Variants in OXR1 observed in about 807,000 individuals in gnomAD.
OXR1 encodes the protein oxidation resistance protein 1.
OXR1 carries 41 observed loss-of-function variants against 104.6 expected under a neutral mutation model. The ratio of observed to expected loss-of-function variants is 0.39; its 90% CI spans 0.31 to 0.51. The LOEUF (loss-of-function observed/expected upper bound fraction) is 0.51. Among genes scored for constraint, OXR1 ranks in the 20% least tolerant of loss-of-function variants. The probability of loss-of-function intolerance (pLI) is 0.77; values close to 1 mark genes in which losing one functional copy is unlikely to be tolerated. For synonymous variants in OXR1, 348 were observed against 348.4 expected, an observed-to-expected ratio of 1.00 and a Z score of 0.01; for missense variants, 955 against 1,031.9, an observed-to-expected ratio of 0.93 and a Z score of 1.02.
In OXR1 at chr8:106,397,532, A is replaced by AT. The variant is rs534501999; in HGVS notation, c.23+37902dup. 6.6e-5 allele frequency among the ~76,000 whole-genome samples: 10 copies of AT among 152,094 alleles called. No homozygotes were observed. In the South Asian group the frequency reaches 1.9e-3, roughly 28 times the overall value. On this transcript the variant is annotated intron_variant, in intron 2 of 16. Transcript: ENST00000517566. The stretch of plus-strand genomic sequence containing the variant: ...CTTTATTACTTATAGTCTCCGTGGG[A>AT]TTTTTTAAGAGTTCAGCAGAAGATG...
intron 2 of OXR1, among the ~76,000 whole-genome samples, chr8:106,403,421 C>T (rs1818082699): frequency 6.6e-6 from 1 of 152,176 alleles, no homozygotes; most frequent in African/African-American, 2.4e-5. Flanking sequence ...TTAAGTTTTC[C>T]CAAATCAATG....
intron 2 of OXR1, among the ~76,000 whole-genome samples, chr8:106,457,811 G>A (rs1380933896): frequency 1.3e-5 from 2 of 152,184 alleles, no homozygotes; most frequent in Non-Finnish European, 2.9e-5. Flanking sequence ...AAATGGCAAA[G>A]AAGTTGGCTG....
chr8:106,632,653 A>G (rs1414645392), intron 3 of OXR1, among the ~76,000 whole-genome samples: 1 of 152,218 alleles, frequency 6.6e-6, no homozygotes, highest in Non-Finnish European at 1.5e-5. Context: ...CAAGTTAGAC[A>G]TAATTTTGTA....
intron 1 of OXR1, among the ~76,000 whole-genome samples, chr8:106,339,011 G>A (rs983231683): frequency 5.9e-5 from 9 of 152,118 alleles, no homozygotes; most frequent in African/African-American, 2.2e-4. Context: ...GGACAGAAAT[G>A]TTTTTGCCCC....
chr8:106,452,508 CCAA>C (rs1232164022), intron 2 of OXR1, among the ~76,000 whole-genome samples: 5 of 152,104 alleles, frequency 3.3e-5, no homozygotes, highest in African/African-American at 4.8e-5. Flanking sequence ...AAAATCACCA[CCAA>C]CAACATTCTG....
chr8:106,288,935 A>G (rs1024286170), intron 1 of OXR1, among the ~76,000 whole-genome samples: 2 of 151,936 alleles, frequency 1.3e-5, no homozygotes, highest in African/African-American at 2.4e-5. Context: ...AAACATTGGG[A>G]AAAAAGTGGT....
intron 16 of OXR1, among the ~76,000 whole-genome samples, chr8:106,749,167 C>A (rs1346756382): frequency 2.0e-5 from 3 of 151,644 alleles, no homozygotes; most frequent in Non-Finnish European, 4.4e-5. Context: ...ACAGTGAAAT[C>A]CCATCTCTAC....
chr8:106,668,358 G>T (rs966391396), intron 3 of OXR1, among the ~76,000 whole-genome samples: 2 of 152,086 alleles, frequency 1.3e-5, no homozygotes, highest in Non-Finnish European at 2.9e-5. Context: ...TGCTTTTTAT[G>T]CATGAATTGT....
In OXR1 at chr8:106,298,592, C is replaced by A. The variant is rs144259625; in HGVS notation, c.-139+28225C>A. Reference sequence around the variant, plus strand: ...TGTTTTCTGCAGTATTTTATGAAAGCGAGTGGGATGGAATAGAATGCAGTG... The same window carrying A: ...TGTTTTCTGCAGTATTTTATGAAAGAGAGTGGGATGGAATAGAATGCAGTG... On this transcript the variant is annotated intron_variant, in intron 1 of 16. Transcript: ENST00000517566. Among the ~76,000 whole-genome samples the A allele has an allele frequency of 4.1e-3, 619 of 151,908 alleles. 2 individuals carry two copies. The highest frequency in any genetic ancestry group is 0.013 in the African/African-American group (546 of 41,394).
chr8:106,567,617 T>G (rs930449706), intron 3 of OXR1, among the ~76,000 whole-genome samples: 4 of 152,198 alleles, frequency 2.6e-5, no homozygotes, highest in Admixed American at 2.0e-4. Context: ...TGAGGAACAT[T>G]TGGAAGCTTA....
At position 106,727,966 on chromosome 8, in the gene OXR1, T is replaced by C. The variant is rs79360327; in HGVS notation, c.1957-9554T>C. 7.1e-3 allele frequency among the ~76,000 whole-genome samples: 1,079 copies of C among 152,236 alleles called. 9 individuals carry two copies. Among genetic ancestry groups the C allele is most frequent in the Non-Finnish European group, 9.9e-3 (670 of 68,008 alleles). On this transcript the variant is annotated intron_variant, in intron 11 of 16. Transcript: ENST00000517566. Reference sequence around the variant, plus strand: ...AGAGACAGCTTGACCCTAGCACATATTGTAGTTCACCAGGATGACTTTGAA... The same window carrying C: ...AGAGACAGCTTGACCCTAGCACATACTGTAGTTCACCAGGATGACTTTGAA...
At chr8:106,479,694 A>C (rs1267325410) in intron 2 of OXR1, among the ~76,000 whole-genome samples, 1 of 152,042 alleles carries the variant, frequency 6.6e-6, no homozygotes, top group Non-Finnish European at 1.5e-5. Context: ...ATTTACATAA[A>C]CTAGCATTTT....
chr8:106,333,069 C>T (rs1814788220), intron 1 of OXR1, among the ~76,000 whole-genome samples: 1 of 152,052 alleles, frequency 6.6e-6, no homozygotes. Context: ...AATAATTCCA[C>T]TTTTTGGCTA....
intron 3 of OXR1, among the ~76,000 whole-genome samples, chr8:106,541,472 G>T (rs942205274): frequency 6.6e-6 from 1 of 152,134 alleles, no homozygotes; most frequent in Non-Finnish European, 1.5e-5. Flanking sequence ...TCTACCAAGA[G>T]AAATACAATG....
At chr8:106,366,396 G>T (rs1331694892) in intron 2 of OXR1, among the ~76,000 whole-genome samples, 1 of 152,156 alleles carries the variant, frequency 6.6e-6, no homozygotes, top group Non-Finnish European at 1.5e-5. Context: ...CCACCCATTT[G>T]TGGACTTGAA....
At chr8:106,455,451 C>G (rs535545368) in intron 2 of OXR1, among the ~76,000 whole-genome samples, 12 of 152,160 alleles carry the variant, frequency 7.9e-5, no homozygotes, top group Non-Finnish European at 1.6e-4. Flanking sequence ...GAAATACTGT[C>G]TATTGATAAA....
intron 2 of OXR1, among the ~76,000 whole-genome samples, chr8:106,475,272 T>C (rs1821738370): frequency 6.6e-6 from 1 of 151,996 alleles, no homozygotes; most frequent in African/African-American, 2.4e-5. Flanking sequence ...TATTATATAC[T>C]GTATTCTTAC....
intron 3 of OXR1, among the ~76,000 whole-genome samples, chr8:106,614,664 C>G (rs1586900325): frequency 6.6e-6 from 1 of 152,226 alleles, no homozygotes; most frequent in African/African-American, 2.4e-5. Flanking sequence ...GAGTCTAGCT[C>G]CTATCAGATT....
intron 3 of OXR1, among the ~76,000 whole-genome samples, chr8:106,537,324 G>T (rs1814611653): frequency 6.6e-6 from 1 of 152,146 alleles, no homozygotes; most frequent in African/African-American, 2.4e-5. Context: ...CTGACTGCTA[G>T]TACAGTGGAG....
Sources: allele counts gnomAD v4.1 joint callset (sites outside exome capture counted in the v4.1 genomes callset), GRCh38; gene constraint gnomAD v4.1.1; transcripts MANE v1.5; gene names NCBI Gene and HGNC (gene_info 2026-07-23, HGNC 2026-07-21).